NRXN3: variants seen among roughly 807,000 people sequenced by gnomAD.
NRXN3 encodes neurexin 3.
NRXN3 carries 32 observed loss-of-function variants against 137.6 expected under a neutral mutation model. The observed-to-expected ratio is 0.23, with a 90% CI of 0.18 to 0.31. The LOEUF (loss-of-function observed/expected upper bound fraction) is 0.31. NRXN3 is among the 10% of genes least tolerant of loss of function. The pLI is 1.00. For synonymous variants in NRXN3, 798 were observed against 784.5 expected (o/e 1.02, Z -0.29); for missense variants, 1,574 against 2,062.5 (o/e 0.76, Z 4.59).
chr14:79,649,052 A>G (rs543282961), intron 16 of NRXN3, among the ~76,000 whole-genome samples: 1 of 152,276 alleles, frequency 6.6e-6, no homozygotes, highest in Non-Finnish European at 1.5e-5. Flanking sequence ...GGCCTGGTCG[A>G]TAAGTTTAGC....
At chr14:78,922,551 A>G (rs886083973) in intron 10 of NRXN3, among the ~76,000 whole-genome samples, 8 of 152,164 alleles carry the variant, frequency 5.3e-5, no homozygotes, top group African/African-American at 1.7e-4. Flanking sequence ...AATATGCTAT[A>G]TTATTATTCA....
At chr14:79,375,926 G>A (rs1048506722) in intron 15 of NRXN3, among the ~76,000 whole-genome samples, 2 of 151,380 alleles carry the variant, frequency 1.3e-5, no homozygotes, top group East Asian at 1.9e-4. Flanking sequence ...AAATGTAGGA[G>A]CATGGTTGAA....
At chr14:78,335,079 G>T (rs775086767) in intron 4 of NRXN3, among the ~76,000 whole-genome samples, 1 of 152,094 alleles carries the variant, frequency 6.6e-6, no homozygotes, top group Non-Finnish European at 1.5e-5. Flanking sequence ...CTCTTCTCTA[G>T]TTTCAAGCCC....
At chr14:79,342,777 C>T (rs2092676972) in intron 15 of NRXN3, among the ~76,000 whole-genome samples, 1 of 152,126 alleles carries the variant, frequency 6.6e-6, no homozygotes, top group South Asian at 2.1e-4. Flanking sequence ...GTAACTGTAA[C>T]CGCCCAATGG....
rs1048437579 is a variant in NRXN3, at chr14:79,293,231, T to G, written c.3263-173990T>G. On this transcript the variant is annotated intron_variant, in intron 15 of 20. Transcript: ENST00000335750. ...TACTTCCCTTCACAAAGTAACTTGATATTGGTCCCTGAGAAATAGATCCAC... is the reference window on the plus strand; with the variant it reads ...TACTTCCCTTCACAAAGTAACTTGAGATTGGTCCCTGAGAAATAGATCCAC... Among the ~76,000 whole-genome samples, 4 of 152,188 alleles carry G rather than the reference T, an allele frequency of 2.6e-5. No homozygotes were observed. In the South Asian group the frequency reaches 8.3e-4, roughly 32 times the overall value.
At chr14:78,625,879 A>G (rs952408474) in intron 4 of NRXN3, among the ~76,000 whole-genome samples, 1 of 152,126 alleles carries the variant, frequency 6.6e-6, no homozygotes, top group African/African-American at 2.4e-5. Context: ...GGGTCAGCAA[A>G]ACCTGGTTTT....
At chr14:79,234,308 A>AT (rs1294776531) in intron 15 of NRXN3, among the ~76,000 whole-genome samples, 1 of 82,940 alleles carries the variant, frequency 1.2e-5, no homozygotes, top group African/African-American at 5.8e-5. Context: ...ATATATATAT[A>AT]TATATATATA....
At chr14:79,555,461 G>A (rs999469490) in intron 16 of NRXN3, among the ~76,000 whole-genome samples, 3 of 152,124 alleles carry the variant, frequency 2.0e-5, no homozygotes, top group African/African-American at 4.8e-5. Context: ...TACAGAGAAG[G>A]ATGATTCGAT....
chr14:79,269,809 T>A (rs1450868338), intron 15 of NRXN3, among the ~76,000 whole-genome samples: 1 of 151,670 alleles, frequency 6.6e-6, no homozygotes, highest in Admixed American at 6.6e-5. Flanking sequence ...GAAAAAAAAA[T>A]GTTTGGTATT....
intron 4 of NRXN3, among the ~76,000 whole-genome samples, chr14:78,616,780 G>C (rs1302398695): frequency 6.6e-6 from 1 of 152,174 alleles, no homozygotes; most frequent in East Asian, 1.9e-4. Context: ...CTTTGGTTTT[G>C]TTCTTAAAAC....
intron 19 of NRXN3, among the ~76,000 whole-genome samples, chr14:79,761,242 CTGTAT>C (rs1475951198): frequency 2.0e-5 from 3 of 151,774 alleles, no homozygotes; most frequent in Admixed American, 6.5e-5. Flanking sequence ...CTTTGGCCTT[CTGTAT>C]TGTATTATCT....
chr14:79,637,479 C>T (rs1472433307), intron 16 of NRXN3, among the ~76,000 whole-genome samples: 1 of 152,020 alleles, frequency 6.6e-6, no homozygotes, highest in Non-Finnish European at 1.5e-5. Flanking sequence ...GGACACAAAG[C>T]TTACAGTCAC....
At chr14:79,595,482 A>T (rs944253289) in intron 16 of NRXN3, among the ~76,000 whole-genome samples, 2 of 152,198 alleles carry the variant, frequency 1.3e-5, no homozygotes, top group African/African-American at 4.8e-5. Flanking sequence ...GGCTAGTATG[A>T]ATAAGCAGAT....
intron 4 of NRXN3, among the ~76,000 whole-genome samples, chr14:78,469,646 G>A (rs1030024193): frequency 6.6e-6 from 1 of 152,130 alleles, no homozygotes; most frequent in Non-Finnish European, 1.5e-5. Flanking sequence ...TGAAGCACAA[G>A]GGCTTGTTAG....
At chr14:78,547,221 T>C (rs2096644698) in intron 4 of NRXN3, among the ~76,000 whole-genome samples, 1 of 152,040 alleles carries the variant, frequency 6.6e-6, no homozygotes, top group Admixed American at 6.5e-5. Flanking sequence ...ATTTATTTTT[T>C]TTTGAGACGG....
rs1491244256 is a variant in NRXN3, at chr14:78,926,861, A to AT, written c.2276-30381_2276-30380insT. ...TAAATATATAATATATTATATATAT[A>AT]ATATATATATAATATATAATATATT... On this transcript the variant is annotated intron_variant, in intron 10 of 20. Coordinates refer to ENST00000335750, the MANE Select transcript of NRXN3 (RefSeq NM_001330195.2). Among the ~76,000 whole-genome samples, 11 of 20,208 alleles carry AT rather than the reference A, an allele frequency of 5.4e-4. 2 individuals are homozygous for AT. The highest frequency in any genetic ancestry group is 9.4e-4 in the African/African-American group (2 of 2,130). 13.3% of individuals were successfully genotyped at this position (20,208 alleles called of 152,430 possible).
At chr14:79,656,052 A>G (rs1391426649) in intron 16 of NRXN3, among the ~76,000 whole-genome samples, 1 of 152,180 alleles carries the variant, frequency 6.6e-6, no homozygotes, top group Non-Finnish European at 1.5e-5. Flanking sequence ...CTCACTTTGT[A>G]AGCACATAAG....
chr14:79,855,534 A>G (rs563661360), intron 20 of NRXN3, among the ~76,000 whole-genome samples: 19 of 152,320 alleles, frequency 1.2e-4, no homozygotes, highest in African/African-American at 3.6e-4. Context: ...TTTCTATGAA[A>G]AAGATATCCA....
chr14:78,770,810 C>T (rs753259051), intron 8 of NRXN3, among the ~76,000 whole-genome samples: 22 of 151,958 alleles, frequency 1.4e-4, no homozygotes, highest in Non-Finnish European at 2.9e-4. Context: ...GGGGGATTAA[C>T]TGGGGAGGGA....
Sources: gnomAD v4.1 joint callset for allele counts (sites outside exome capture counted in the v4.1 genomes callset) on GRCh38, gnomAD v4.1.1 for gene constraint, MANE v1.5 for transcripts, NCBI Gene and HGNC (gene_info 2026-07-23, HGNC 2026-07-21) for gene names.